The following INSL6 variants were observed in gnomAD, a reference collection of about 807,000 sequenced individuals.
INSL6 encodes the protein insulin-like peptide INSL6.
A neutral mutation model predicts 9.4 loss-of-function variants in INSL6; 16 were observed. That is an observed-to-expected ratio of 1.70 (90% CI 1.15 to 2.59). The LOEUF is 2.59. Ranked by LOEUF, INSL6 falls within the 30% of genes most tolerant of loss-of-function variation. The pLI, the probability that INSL6 is intolerant of heterozygous loss-of-function variation, is 0.00. For synonymous variants in INSL6, 154 were observed against 96.9 expected, an observed-to-expected ratio of 1.59 and a Z score of -3.46; for missense variants, 391 against 257.3, an observed-to-expected ratio of 1.52 and a Z score of -3.56.
the INSL6 span, among the ~76,000 whole-genome samples, chr9:5,009,910 A>G: frequency 6.6e-6 from 1 of 152,112 alleles, no homozygotes; most frequent in Non-Finnish European, 1.5e-5. Flanking sequence ...AGCTAGTACT[A>G]CAGGTGCACA....
chr9:5,032,977 C>A, the INSL6 span, among the ~76,000 whole-genome samples: 1 of 152,084 alleles, frequency 6.6e-6, no homozygotes, highest in Non-Finnish European at 1.5e-5. Context: ...GAACTCATGG[C>A]AAAGAAGTTA....
the INSL6 span, among the ~76,000 whole-genome samples, chr9:5,092,692 C>T: frequency 1.3e-5 from 2 of 152,096 alleles, no homozygotes; most frequent in African/African-American, 2.4e-5. Context: ...AGCCAAGTCC[C>T]CCGAAACCAA....
chr9:5,134,702 AG>A (rs1788964941), intron 2 of INSL6, among the ~76,000 whole-genome samples: 1 of 152,220 alleles, frequency 6.6e-6, no homozygotes. Flanking sequence ...TAAACATGGA[AG>A]GAACAACCGG....
chr9:5,098,153 C>A, the INSL6 span: 1 of 152,108 alleles, frequency 6.6e-6, no homozygotes, highest in Non-Finnish European at 1.5e-5. Context: ...TTATGGCTGT[C>A]CACCACCTTA....
the INSL6 span, among the ~76,000 whole-genome samples, chr9:5,026,509 G>T: frequency 6.6e-6 from 1 of 152,284 alleles, no homozygotes; most frequent in East Asian, 1.9e-4. Context: ...TCTATCTACA[G>T]TGGAAAATAG....
At chr9:5,166,511 T>C (rs1047231760) in intron 1 of INSL6, among the ~76,000 whole-genome samples, 14 of 152,000 alleles carry the variant, frequency 9.2e-5, no homozygotes, top group Non-Finnish European at 1.5e-4. Flanking sequence ...AATAAGTAAA[T>C]ACAGCCAAGT....
At chr9:5,162,768 C>G (rs921255312), downstream of INSL6, among the ~76,000 whole-genome samples, 1 of 152,038 alleles carries the variant, frequency 6.6e-6, no homozygotes, top group Admixed American at 6.5e-5. Flanking sequence ...TGGAAAAGAA[C>G]CTTTGTTCTA....
At chr9:5,143,663 C>CTT (rs58643904) in intron 2 of INSL6, among the ~76,000 whole-genome samples, 58 of 142,280 alleles carry the variant, frequency 4.1e-4, no homozygotes, top group African/African-American at 1.4e-3. Context: ...ATTTGTTAAT[C>CTT]TTTTTTTTTT....
intron 1 of INSL6, among the ~76,000 whole-genome samples, chr9:5,181,994 G>A (rs1220626993): frequency 6.6e-6 from 1 of 152,152 alleles, no homozygotes; most frequent in Non-Finnish European, 1.5e-5. Context: ...TAGTCACTCT[G>A]AAGAGCAATC....
At chr9:5,163,334 A>C (rs1193272287), downstream of INSL6, among the ~76,000 whole-genome samples, 5 of 152,234 alleles carry the variant, frequency 3.3e-5, no homozygotes, top group African/African-American at 1.2e-4. Flanking sequence ...CAAAGCAAAG[A>C]CAGGGTATCT....
chr9:5,021,214 CTG>C, the INSL6 span, among the ~76,000 whole-genome samples: 2 of 152,180 alleles, frequency 1.3e-5, no homozygotes, highest in African/African-American at 4.8e-5. Flanking sequence ...TATCACTTCT[CTG>C]TTGAATTTCC....
At chr9:5,036,515 G>C in the INSL6 span, among the ~76,000 whole-genome samples, 1 of 152,166 alleles carries the variant, frequency 6.6e-6, no homozygotes, top group Non-Finnish European at 1.5e-5. Flanking sequence ...CATGGTACTG[G>C]TATCAAAACA....
At chr9:5,085,251 C>A in the INSL6 span, 1 of 677,334 alleles carries the variant, frequency 1.5e-6, no homozygotes, top group African/African-American at 1.8e-5. Flanking sequence ...CAGTGGCTAA[C>A]CTGAGATTCA....
Position 5,164,044 on chromosome 9 carries a change from G to C in INSL6, c.511C>G (p.Arg171Gly). The C allele has an allele frequency of 6.2e-7, 1 of 1,613,516 alleles. No homozygotes were observed. The highest frequency in any genetic ancestry group is 8.5e-7 in the Non-Finnish European group (1 of 1,179,804). The change falls in exon 2 of 2, where the codon CGC (arginine) becomes GGC (glycine). Residue 171 changes from arginine (R) to glycine (G), a missense_variant. Arg to Gly is a moderately radical substitution (Grantham distance 125). Transcript: ENST00000381641. ...CAACACTTTTCTGAATATCCTCTGC[G>C]TTTTCTTTGGGGATGATGCCCCCAA... ...LFWGHHPQRK[R>G]RGYSEKCCLT...
At chr9:5,111,572 C>T in the INSL6 span, 2 of 363,310 alleles carry the variant, frequency 5.5e-6, no homozygotes, top group South Asian at 2.1e-5. Context: ...TGGCAGCCTG[C>T]ACCCCTAAGC....
intron 3 of INSL6, among the ~76,000 whole-genome samples, chr9:5,131,454 T>TTTTTTTTG (rs1824282070): frequency 1.3e-5 from 2 of 148,676 alleles, no homozygotes; most frequent in Non-Finnish European, 3.0e-5. Flanking sequence ...TTTTTTTTTT[T>TTTTTTTTG]GAGACAGAGT....
At chr9:5,052,358 A>C in the INSL6 span, among the ~76,000 whole-genome samples, 1 of 151,894 alleles carries the variant, frequency 6.6e-6, no homozygotes, top group African/African-American at 2.4e-5. Context: ...GATTCTTTTA[A>C]CTCATGCTCT....
rs746612250 is a variant in INSL6 at position 5,185,324 on chromosome 9, G to A, written c.279C>T (p.Gly93=). The A allele has an allele frequency of 1.9e-6, 3 of 1,614,080 alleles. No homozygotes were observed. The highest frequency in any genetic ancestry group is 3.3e-5 in the Admixed American group (2 of 60,028). ...GGTTTCGATTTTTACCTGGGTTTGT[G>A]CCTCTTCCCCGGGCCGGGGAAGCGG... ...PQTASPARGR[G]TNPVSTSWEE... Residue 93 remains glycine (G), a synonymous_variant, in exon 1 of 2, where the codon GGC becomes GGT. Transcript: ENST00000381641.
the INSL6 span, among the ~76,000 whole-genome samples, chr9:5,062,447 C>T: frequency 7.5e-6 from 1 of 133,314 alleles, no homozygotes; most frequent in Admixed American, 8.5e-5. Flanking sequence ...GGAAAAATTG[C>T]ACTGATAGAC....
Sources: allele counts gnomAD v4.1 joint callset (sites outside exome capture counted in the v4.1 genomes callset), GRCh38; gene constraint gnomAD v4.1.1; transcripts MANE v1.5; gene names NCBI Gene and HGNC (gene_info 2026-07-23, HGNC 2026-07-21).